Variants in LMBR1 observed in about 807,000 individuals in gnomAD.
The protein encoded by LMBR1 is limb region 1 protein homolog.
LMBR1 carries 52 observed loss-of-function variants against 73.9 expected under a neutral mutation model. That is an observed-to-expected ratio of 0.70 (90% CI 0.56 to 0.89). The LOEUF (loss-of-function observed/expected upper bound fraction) is 0.89, where lower values mean the gene tolerates loss of function less well. LMBR1 is among the 40% of genes least tolerant of loss of function. The pLI is 0.00. For synonymous variants in LMBR1, 215 were observed against 209.4 expected, an observed-to-expected ratio of 1.03 and a Z score of -0.23; for missense variants, 539 against 579.8, an observed-to-expected ratio of 0.93 and a Z score of 0.72.
chr7:156,875,804 T>C (rs964574535), intron 1 of LMBR1, among the ~76,000 whole-genome samples: 2 of 151,936 alleles, frequency 1.3e-5, no homozygotes, highest in Non-Finnish European at 2.9e-5. Context: ...CTACCAGAAC[T>C]GCTAAAGTAG....
At chr7:156,792,687 T>C (rs1201791808) in intron 5 of LMBR1, among the ~76,000 whole-genome samples, 1 of 152,188 alleles carries the variant, frequency 6.6e-6, no homozygotes, top group Admixed American at 6.5e-5. Flanking sequence ...ATTAACATAG[T>C]GGTTTAATTA....
intron 5 of LMBR1, among the ~76,000 whole-genome samples, chr7:156,781,462 T>C (rs1391660964): frequency 3.9e-5 from 6 of 152,094 alleles, no homozygotes; most frequent in African/African-American, 7.2e-5. Flanking sequence ...AATAGCTACT[T>C]TGGGTGGGCA....
intron 15 of LMBR1, among the ~76,000 whole-genome samples, chr7:156,717,649 T>G (rs1330561911): frequency 1.3e-5 from 2 of 152,234 alleles, no homozygotes; most frequent in Non-Finnish European, 2.9e-5. Context: ...TATCTCTTTC[T>G]GTAACTCTCT....
At chr7:156,792,193 A>T (rs1420831008) in intron 5 of LMBR1, among the ~76,000 whole-genome samples, 1 of 152,148 alleles carries the variant, frequency 6.6e-6, no homozygotes, top group African/African-American at 2.4e-5. Flanking sequence ...CATACAGCCA[A>T]TCTGAGGTAT....
At chr7:156,817,747 A>G (rs1365538055) in intron 4 of LMBR1, among the ~76,000 whole-genome samples, 1 of 152,230 alleles carries the variant, frequency 6.6e-6, no homozygotes, top group Non-Finnish European at 1.5e-5. Context: ...TCCTACAAAA[A>G]GTTAAACTCT....
chr7:156,785,230 T>C (rs578020016), intron 5 of LMBR1, among the ~76,000 whole-genome samples: 21 of 152,068 alleles, frequency 1.4e-4, no homozygotes, highest in Admixed American at 8.5e-4. Flanking sequence ...TGAGCCAAGA[T>C]TGCACCACTG....
intron 15 of LMBR1, among the ~76,000 whole-genome samples, chr7:156,712,898 T>C (rs557393060): frequency 3.9e-5 from 6 of 152,270 alleles, no homozygotes; most frequent in African/African-American, 1.4e-4. Flanking sequence ...AGAAATTATT[T>C]AATGGGCATA....
intron 5 of LMBR1, among the ~76,000 whole-genome samples, chr7:156,783,893 G>C (rs1209964371): frequency 6.6e-6 from 1 of 152,060 alleles, no homozygotes; most frequent in East Asian, 1.9e-4. Flanking sequence ...TGTATGTGTA[G>C]AATTTGCTTC....
At chr7:156,674,642 C>G (rs1158663618), downstream of LMBR1, among the ~76,000 whole-genome samples, 1 of 152,066 alleles carries the variant, frequency 6.6e-6, no homozygotes, top group Non-Finnish European at 1.5e-5. Flanking sequence ...CCCAAGCACT[C>G]CAGTTTGGGT....
intron 1 of LMBR1, among the ~76,000 whole-genome samples, chr7:156,871,579 A>C (rs1468375640): frequency 6.6e-6 from 1 of 152,248 alleles, no homozygotes; most frequent in Non-Finnish European, 1.5e-5. Context: ...ACAGCACATT[A>C]AAAGGATCAT....
chr7:156,743,359 G>A (rs1246747971), intron 9 of LMBR1, among the ~76,000 whole-genome samples: 1 of 152,046 alleles, frequency 6.6e-6, no homozygotes, highest in African/African-American at 2.4e-5. Context: ...CATCTTTTTA[G>A]GTTTATGCCT....
chr7:156,688,586 G>A (rs952433228), intron 15 of LMBR1, among the ~76,000 whole-genome samples: 1 of 151,914 alleles, frequency 6.6e-6, no homozygotes, highest in Non-Finnish European at 1.5e-5. Flanking sequence ...CGATGAAAAA[G>A]ATGCCTGAGA....
chr7:156,841,810 T>A (rs1048793359), intron 1 of LMBR1, among the ~76,000 whole-genome samples: 1 of 152,088 alleles, frequency 6.6e-6, no homozygotes, highest in Non-Finnish European at 1.5e-5. Context: ...TACACAGAAC[T>A]TTCCAGGAGT....
intron 13 of LMBR1, 53 bp downstream of exon 13, chr7:156,725,711 A>T (rs1815597337): frequency 6.6e-7 from 1 of 1,516,328 alleles, no homozygotes; most frequent in Non-Finnish European, 9.1e-7. Context: ...TGCCCCAGAA[A>T]ACTTGGTATA....
chr7:156,676,684 C>T, downstream of LMBR1: 1 of 1,572,962 alleles, frequency 6.4e-7, no homozygotes, highest in South Asian at 1.1e-5. Flanking sequence ...TTAGGTAATT[C>T]TGAGGAAAAA....
chr7:156,887,545 G>GCTAAAA (rs1802134563), intron 1 of LMBR1, among the ~76,000 whole-genome samples: 1 of 150,224 alleles, frequency 6.7e-6, no homozygotes, highest in Non-Finnish European at 1.5e-5. Flanking sequence ...AAACCTAAGA[G>GCTAAAA]CTAAAACTAT....
chr7:156,833,273 G>A (rs971268449), intron 3 of LMBR1, among the ~76,000 whole-genome samples: 9 of 152,252 alleles, frequency 5.9e-5, no homozygotes, highest in Admixed American at 4.6e-4. Flanking sequence ...AAAGGAATTC[G>A]CTGCTTTCCA....
chr7:156,818,743 C>T (rs974205235), intron 4 of LMBR1, among the ~76,000 whole-genome samples: 1 of 152,132 alleles, frequency 6.6e-6, no homozygotes, highest in African/African-American at 2.4e-5. Flanking sequence ...TGTTTTTCAA[C>T]TTATGGAAAT....
intron 9 of LMBR1, among the ~76,000 whole-genome samples, chr7:156,751,060 T>G (rs920550887): frequency 2.6e-5 from 4 of 152,228 alleles, no homozygotes; most frequent in Admixed American, 1.3e-4. Context: ...CAGTGAGCCG[T>G]GATTGTGTCA....
Sources: allele counts gnomAD v4.1 joint callset (sites outside exome capture counted in the v4.1 genomes callset), GRCh38; gene constraint gnomAD v4.1.1; transcripts MANE v1.5; gene names NCBI Gene and HGNC (gene_info 2026-07-23, HGNC 2026-07-21).